PRTG: variants seen among roughly 807,000 people sequenced by gnomAD.
PRTG encodes protogenin.
PRTG carries 67 observed loss-of-function variants against 122.5 expected under a neutral mutation model. That is an observed-to-expected ratio of 0.55 (90% CI 0.45 to 0.67). PRTG has a LOEUF of 0.67. Among genes scored for constraint, PRTG ranks in the 30% least tolerant of loss-of-function variants. The pLI, the probability that PRTG is intolerant of heterozygous loss-of-function variation, is 0.00. For synonymous variants in PRTG, 554 were observed against 501.1 expected, an observed-to-expected ratio of 1.11 and a Z score of -1.41; for missense variants, 1,435 against 1,415.4, an observed-to-expected ratio of 1.01 and a Z score of -0.22.
In PRTG at chr15:55,687,851, G is replaced by A. The variant is rs115360389; in HGVS notation, c.398-3920C>T. Among the ~76,000 whole-genome samples the A allele has an allele frequency of 4.6e-3, 696 of 152,142 alleles. 5 individuals are homozygous for A. Among genetic ancestry groups the A allele is most frequent in the African/African-American group, 0.016 (665 of 41,488 alleles). ...CCAGATACTGCTTAGGACTTTCATCGGTTACCTCTGAGACTGAAAGAAAGA... is the reference window on the plus strand; with the variant it reads ...CCAGATACTGCTTAGGACTTTCATCAGTTACCTCTGAGACTGAAAGAAAGA... On this transcript the variant is annotated intron_variant, in intron 2 of 19. Transcript: ENST00000389286.
At chr15:55,635,868 G>T (rs752885472) in intron 15 of PRTG, among the ~76,000 whole-genome samples, 8 of 152,066 alleles carry the variant, frequency 5.3e-5, no homozygotes, top group Admixed American at 2.6e-4. Flanking sequence ...GTGTATAGGT[G>T]GCCACTACAT....
chr15:55,680,940 T>A (rs34303822), intron 4 of PRTG, among the ~76,000 whole-genome samples: 1 of 151,888 alleles, frequency 6.6e-6, no homozygotes, highest in Non-Finnish European at 1.5e-5. Context: ...ACTAATCTAC[T>A]TTCAGTCTCT....
At chr15:55,709,803 C>T (rs2030308583) in intron 2 of PRTG, among the ~76,000 whole-genome samples, 1 of 152,084 alleles carries the variant, frequency 6.6e-6, no homozygotes, top group Non-Finnish European at 1.5e-5. Flanking sequence ...TCTAAAAAGG[C>T]AAACTAATCT....
At chr15:55,679,962 C>G in intron 6 of PRTG, 92 bp downstream of exon 6, 1 of 980,980 alleles carries the variant, frequency 1.0e-6, no homozygotes, top group African/African-American at 1.6e-5. Context: ...ATCAATGCTA[C>G]AAAGCTCAAG....
chr15:55,684,415 A>T (rs2059558928), intron 2 of PRTG, among the ~76,000 whole-genome samples: 1 of 152,206 alleles, frequency 6.6e-6, no homozygotes, highest in Non-Finnish European at 1.5e-5. Flanking sequence ...AAGTGAAAAG[A>T]ATAACATGAA....
chr15:55,734,072 A>G (rs886188773), intron 2 of PRTG, among the ~76,000 whole-genome samples: 3 of 152,318 alleles, frequency 2.0e-5, no homozygotes, highest in South Asian at 2.1e-4. Flanking sequence ...AAGAGAGTCT[A>G]TCGGTATTGG....
intron 2 of PRTG, among the ~76,000 whole-genome samples, chr15:55,709,703 C>T (rs1218906481): frequency 6.6e-6 from 1 of 152,162 alleles, no homozygotes; most frequent in Middle Eastern, 3.4e-3. Flanking sequence ...TACTTAACAA[C>T]CAAAAATGAA....
chr15:55,722,287 T>C (rs1474168326), intron 2 of PRTG, among the ~76,000 whole-genome samples: 3 of 152,232 alleles, frequency 2.0e-5, no homozygotes, highest in African/African-American at 7.2e-5. Flanking sequence ...ACTATACTGT[T>C]TTAATAATTA....
Position 55,742,779 on chromosome 15 carries a change from C to T in PRTG, c.94+59G>A, listed in dbSNP as rs1345343782. On this transcript the variant is annotated intron_variant, in intron 1 of 19. Coordinates refer to ENST00000389286, the MANE Select transcript of PRTG (RefSeq NM_173814.6). Reference sequence around the variant, plus strand: ...CCCCATCGTTTCCTCTTTCCCCATCCCACTCGCGCCCGCTCCCGCCCCACA... The same window carrying T: ...CCCCATCGTTTCCTCTTTCCCCATCTCACTCGCGCCCGCTCCCGCCCCACA... 20 of 1,533,406 alleles carry T rather than the reference C, an allele frequency of 1.3e-5. No homozygotes were observed. In the African/African-American group the frequency reaches 2.0e-4, roughly 15 times the overall value. 95.0% of individuals were successfully genotyped at this position (1,533,406 alleles called of 1,614,324 possible). A position where few individuals can be genotyped will look rare whatever the true frequency, so the allele number is the denominator to read the frequency against.
At chr15:55,710,087 C>G (rs1486129555) in intron 2 of PRTG, among the ~76,000 whole-genome samples, 1 of 151,942 alleles carries the variant, frequency 6.6e-6, no homozygotes, top group Non-Finnish European at 1.5e-5. Context: ...AAAAAGCCCC[C>G]GAAGAATATA....
intron 2 of PRTG, among the ~76,000 whole-genome samples, chr15:55,691,185 A>G (rs917693565): frequency 6.6e-6 from 1 of 151,632 alleles, no homozygotes; most frequent in Non-Finnish European, 1.5e-5. Flanking sequence ...AATCCCAGCT[A>G]CTCAGGAGGC....
At chr15:55,711,073 A>G (rs2030363959) in intron 2 of PRTG, among the ~76,000 whole-genome samples, 1 of 140,774 alleles carries the variant, frequency 7.1e-6, no homozygotes, top group South Asian at 2.3e-4. Flanking sequence ...CACCCAGCTA[A>G]TTTTTGTATT....
Position 55,637,298 on chromosome 15 carries a change from T to C in PRTG, c.2495A>G (p.Glu832Gly). Residue 832 changes from glutamate to glycine, a missense_variant, in exon 15 of 20, where the codon GAG (glutamate) becomes GGG (glycine). Glu to Gly is a moderately conservative substitution (Grantham distance 98). Transcript: ENST00000389286. ...CCAAGAAACCAGGGCAGTGTCATCC[T>C]CTATTAATGTCACTTTTACTCCAAC... The part of the protein sequence containing the change: ...PPVGVKVTLI[E>G]DDTALVSWKP... 1 of 1,613,700 alleles carries C rather than the reference T, an allele frequency of 6.2e-7. No homozygotes were observed. The highest frequency in any genetic ancestry group is 8.5e-7 in the Non-Finnish European group (1 of 1,179,874).
intron 2 of PRTG, among the ~76,000 whole-genome samples, chr15:55,686,823 C>T (rs2059573057): frequency 6.6e-6 from 1 of 152,216 alleles, no homozygotes; most frequent in East Asian, 1.9e-4. Context: ...ATTTCCTTCT[C>T]TTGCTAATAA....
intron 11 of PRTG, among the ~76,000 whole-genome samples, chr15:55,660,139 C>G (rs1357400199): frequency 6.6e-6 from 1 of 151,802 alleles, no homozygotes; most frequent in African/African-American, 2.4e-5. Flanking sequence ...TTTTAAAGAC[C>G]AAGATAAAAT....
rs2059485326 is a variant in PRTG, at chr15:55,673,544, G to T, written c.1679C>A (p.Thr560Asn). Residue 560 changes from threonine to asparagine, a missense_variant, in exon 10 of 20, where the codon ACT (threonine) becomes AAT (asparagine). Transcript: ENST00000389286. The stretch of plus-strand genomic sequence containing the variant: ...CTCCAGAACTTGGATTGAATTCTCA[G>T]TACTTAGGCGGAAAGACAAGCGATA... ...VLYRLSFRLS[T>N]ENSIQVLELP... 1 of 1,614,026 alleles carries T rather than the reference G, an allele frequency of 6.2e-7. No homozygotes were observed. Among genetic ancestry groups the T allele is most frequent in the African/African-American group, 1.3e-5 (1 of 74,900 alleles).
intron 17 of PRTG, among the ~76,000 whole-genome samples, chr15:55,624,859 G>T (rs998766271): frequency 2.6e-5 from 4 of 152,224 alleles, no homozygotes; most frequent in Middle Eastern, 3.4e-3. Flanking sequence ...ATTAATGATG[G>T]TAAATTTAGA....
chr15:55,742,472 C>G (rs750768108), intron 1 of PRTG: 9 of 219,948 alleles, frequency 4.1e-5, no homozygotes, highest in Non-Finnish European at 6.2e-5. Context: ...GGGCTGGCGA[C>G]CCGGAGTCCG....
intron 2 of PRTG, among the ~76,000 whole-genome samples, chr15:55,731,922 A>C (rs1314455751): frequency 6.6e-6 from 1 of 152,230 alleles, no homozygotes; most frequent in Non-Finnish European, 1.5e-5. Flanking sequence ...TGAACATCAT[A>C]GAGCAGACTT....
Sources: allele counts gnomAD v4.1 joint callset (sites outside exome capture counted in the v4.1 genomes callset), GRCh38; gene constraint gnomAD v4.1.1; transcripts MANE v1.5; gene names NCBI Gene and HGNC (gene_info 2026-07-23, HGNC 2026-07-21).